Variants in PSTPIP2 observed in about 807,000 individuals in gnomAD.
The protein encoded by PSTPIP2 is proline-serine-threonine phosphatase-interacting protein 2.
In PSTPIP2, 33 loss-of-function variants were observed where a neutral mutation model predicts 63.3. The observed-to-expected ratio is 0.52, with a 90% CI of 0.40 to 0.70. The LOEUF (loss-of-function observed/expected upper bound fraction) is 0.70. Among genes scored for constraint, PSTPIP2 ranks in the 30% least tolerant of loss-of-function variants. PSTPIP2 has a pLI of 0.00. For synonymous variants in PSTPIP2, 125 were observed against 132.7 expected, an observed-to-expected ratio of 0.94 and a Z score of 0.40; for missense variants, 312 against 400.7, an observed-to-expected ratio of 0.78 and a Z score of 1.89.
intron 2 of PSTPIP2, chr18:46,028,254 A>G: frequency 2.4e-6 from 1 of 412,870 alleles, no homozygotes; most frequent in Middle Eastern, 5.4e-4. Context: ...TGAGGAGCCG[A>G]ATGAAACTGC....
At chr18:46,025,904 G>A (rs139470197) in intron 2 of PSTPIP2, among the ~76,000 whole-genome samples, 78 of 152,138 alleles carry the variant, frequency 5.1e-4, no homozygotes, top group African/African-American at 1.7e-3. Flanking sequence ...ACAGGTGTGC[G>A]CCACCATGCC....
chr18:46,029,144 G>A lies in PSTPIP2; in HGVS notation c.135-4458C>T, dbSNP rs530159809. 7 of 872,644 alleles carry A rather than the reference G, an allele frequency of 8.0e-6. No homozygotes were observed. The African/African-American group carries it at 1.1e-4, about 14-fold the overall frequency. The allele number at this position is 872,644 out of a possible 1,614,324, so 54.1% of individuals were successfully genotyped here. On this transcript the variant is annotated intron_variant, in intron 2 of 14. Transcript: ENST00000409746. ...CTAATGGGGAAGAAGTTTTAGCCAT[G>A]AGTACTCACAGCAAGGTTTTTTATG...
chr18:45,994,583 C>A (rs992743019), intron 9 of PSTPIP2, among the ~76,000 whole-genome samples: 1 of 152,042 alleles, frequency 6.6e-6, no homozygotes, highest in African/African-American at 2.4e-5. Context: ...ATTTTGAATG[C>A]CTTTTAAAAT....
rs540350929 is a variant in PSTPIP2, at chr18:46,003,539, G to T, written c.417+1930C>A. On this transcript the variant is annotated intron_variant, in intron 6 of 14. Coordinates refer to ENST00000409746, the MANE Select transcript of PSTPIP2 (RefSeq NM_024430.4). Reference sequence around the variant, plus strand: ...TAGGCTGCCCCTTTTCTGGTCTTTTGGTTAGAGAGAACAGGTTTTTCTTGG... The same window carrying T: ...TAGGCTGCCCCTTTTCTGGTCTTTTTGTTAGAGAGAACAGGTTTTTCTTGG... 5.9e-5 allele frequency among the ~76,000 whole-genome samples: 9 copies of T among 151,994 alleles called. 1 individual carries two copies. Among genetic ancestry groups the T allele is most frequent in the African/African-American group, 2.2e-4 (9 of 41,464 alleles).
intron 2 of PSTPIP2, chr18:46,029,459 A>G: frequency 8.1e-7 from 1 of 1,235,068 alleles, no homozygotes; most frequent in Non-Finnish European, 1.2e-6. Context: ...GTGCCTTAAC[A>G]GATTTGTTGA....
chr18:46,015,642 A>G (rs1568217371), intron 4 of PSTPIP2, among the ~76,000 whole-genome samples: 2 of 152,142 alleles, frequency 1.3e-5, no homozygotes, highest in Non-Finnish European at 2.9e-5. Context: ...CTGTGTCAAT[A>G]ACAAGCCCTC....
chr18:46,047,152 C>G (rs1422411700), intron 1 of PSTPIP2, among the ~76,000 whole-genome samples: 1 of 152,230 alleles, frequency 6.6e-6, no homozygotes, highest in East Asian at 1.9e-4. Context: ...GGGATAAAGA[C>G]TATGAAGTTC....
intron 1 of PSTPIP2, among the ~76,000 whole-genome samples, chr18:46,054,962 A>G (rs1028103172): frequency 2.6e-5 from 4 of 152,212 alleles, no homozygotes; most frequent in Admixed American, 6.5e-5. Flanking sequence ...AGGCAACAGC[A>G]TATTTTAGCT....
At chr18:46,069,482 T>C (rs2144141520) in intron 1 of PSTPIP2, among the ~76,000 whole-genome samples, 1 of 152,326 alleles carries the variant, frequency 6.6e-6, no homozygotes, top group South Asian at 2.1e-4. Flanking sequence ...ATCCCAGTTT[T>C]ATTCATTTAT....
intron 6 of PSTPIP2, among the ~76,000 whole-genome samples, chr18:46,004,966 C>T (rs1423845820): frequency 6.6e-6 from 1 of 152,124 alleles, no homozygotes; most frequent in Non-Finnish European, 1.5e-5. Context: ...ACCTAAATGC[C>T]AATCAATGAC....
chr18:46,058,075 A>T (rs1482480901), intron 1 of PSTPIP2, among the ~76,000 whole-genome samples: 1 of 152,028 alleles, frequency 6.6e-6, no homozygotes, highest in Non-Finnish European at 1.5e-5. Flanking sequence ...TTTAAAAAAT[A>T]CAAAACTCTG....
chr18:46,040,119 A>G, intron 1 of PSTPIP2, 72 bp from the exon 2 acceptor site: 1 of 1,276,340 alleles, frequency 7.8e-7, no homozygotes, highest in Non-Finnish European at 1.1e-6. Context: ...AAGATAAGAC[A>G]AAAGAGGTGG....
rs1358888434 is a variant in PSTPIP2, at chr18:46,040,033, G to A, written c.48C>T (p.Leu16=). The A allele has an allele frequency of 6.2e-7, 1 of 1,609,126 alleles. No homozygotes were observed. Among genetic ancestry groups the A allele is most frequent in the African/African-American group, 1.3e-5 (1 of 74,784 alleles). The part of the protein sequence containing the change: ...FKGNFWSADI[L]STIGYDNIIQ... ...TAATGTTGTCATAGCCGATGGTGCT[G>A]AGGATGTCTGCACTCTGGGGGAAAG... Residue 16 remains leucine (L), a synonymous_variant, in exon 2 of 15, where the codon CTC becomes CTT. Coordinates refer to ENST00000409746, the MANE Select transcript of PSTPIP2 (RefSeq NM_024430.4).
At chr18:46,055,269 A>G (rs1158157684) in intron 1 of PSTPIP2, among the ~76,000 whole-genome samples, 1 of 152,098 alleles carries the variant, frequency 6.6e-6, no homozygotes, top group Non-Finnish European at 1.5e-5. Flanking sequence ...CCAATCACCT[A>G]ATGTGGTAGG....
At chr18:46,030,653 T>A (rs1197041044) in intron 2 of PSTPIP2, among the ~76,000 whole-genome samples, 1 of 152,242 alleles carries the variant, frequency 6.6e-6, no homozygotes, top group Non-Finnish European at 1.5e-5. Flanking sequence ...TTTGGATTCA[T>A]TTCTTGCTTG....
intron 2 of PSTPIP2, among the ~76,000 whole-genome samples, chr18:46,037,457 A>C (rs952719152): frequency 6.6e-6 from 1 of 152,120 alleles, no homozygotes; most frequent in Non-Finnish European, 1.5e-5. Context: ...TCTACATGTA[A>C]TTTATGACAG....
Position 46,072,240 on chromosome 18 carries a change from C to T in PSTPIP2, c.-52G>A. On this transcript the variant is annotated 5_prime_UTR_variant, in exon 1 of 15. Transcript: ENST00000409746. ...GAGCCGGGCCGCAGGTAGCACAGAG[C>T]GGGGAGGCCTGACTGCCACTGCCCG... is the stretch of plus-strand genomic sequence containing the variant. The T allele has an allele frequency of 1.3e-6, 2 of 1,518,994 alleles. No homozygotes were observed. The highest frequency in any genetic ancestry group is 1.8e-6 in the Non-Finnish European group (2 of 1,132,650). 94.1% of individuals were successfully genotyped at this position (1,518,994 alleles called of 1,614,324 possible). A position where few individuals can be genotyped will look rare whatever the true frequency, so the allele number is the denominator to read the frequency against.
chr18:46,057,997 C>CA (rs71177701), intron 1 of PSTPIP2, among the ~76,000 whole-genome samples: 1,313 of 100,424 alleles, frequency 0.013, 13 homozygotes, highest in South Asian at 0.033. Flanking sequence ...GACTCCGTCT[C>CA]AAAAAAAAAA....
intron 2 of PSTPIP2, among the ~76,000 whole-genome samples, chr18:46,030,109 C>T (rs535368890): frequency 7.3e-5 from 11 of 150,320 alleles, no homozygotes; most frequent in South Asian, 2.1e-4. Context: ...AACAAGACTC[C>T]GACTCAAAAA....
Sources: gnomAD v4.1 joint callset for allele counts (sites outside exome capture counted in the v4.1 genomes callset) on GRCh38, gnomAD v4.1.1 for gene constraint, MANE v1.5 for transcripts, NCBI Gene and HGNC (gene_info 2026-07-23, HGNC 2026-07-21) for gene names.